Variants in ZBTB7C observed in about 807,000 individuals in gnomAD.
The protein encoded by ZBTB7C is zinc finger and BTB domain containing 7C.
In ZBTB7C, 8 loss-of-function variants were observed where a neutral mutation model predicts 25.7. The observed-to-expected ratio is 0.31, with a 90% confidence interval of 0.18 to 0.56. The LOEUF is 0.56. Among genes scored for constraint, ZBTB7C ranks in the 20% least tolerant of loss-of-function variants. The probability of loss-of-function intolerance (pLI) is 0.91; values close to 1 mark genes in which losing one functional copy is unlikely to be tolerated. For synonymous variants in ZBTB7C, 394 were observed against 369.0 expected, an observed-to-expected ratio of 1.07 and a Z score of -0.78; for missense variants, 824 against 855.2, an observed-to-expected ratio of 0.96 and a Z score of 0.46.
Position 48,323,910 on chromosome 18 carries a change from A to G in ZBTB7C, c.-79+14264T>C, listed in dbSNP as rs146099575. On this transcript the variant is annotated intron_variant, in intron 2 of 4. Transcript: ENST00000590800. ...CTCATATGCTGAAACCCTAATCGCA[A>G]TGGTGATGGGATTAGGGCCTTTGGG... 3.0e-3 allele frequency among the ~76,000 whole-genome samples: 459 copies of G among 152,248 alleles called. 10 individuals are homozygous for G. The East Asian group carries it at 0.052, about 17-fold the overall frequency.
chr18:48,311,957 T>G (rs2045830899), intron 2 of ZBTB7C, among the ~76,000 whole-genome samples: 1 of 152,196 alleles, frequency 6.6e-6, no homozygotes, highest in South Asian at 2.1e-4. Context: ...CCCACCTACT[T>G]AAGACATCTT....
intron 1 of ZBTB7C, among the ~76,000 whole-genome samples, chr18:48,356,849 G>A (rs1409303714): frequency 6.6e-6 from 1 of 152,212 alleles, no homozygotes; most frequent in Non-Finnish European, 1.5e-5. Context: ...AGGCCACAGA[G>A]CATTCTCTCC....
At chr18:48,389,235 T>TTGTGTGTG (rs2047833393) in intron 1 of ZBTB7C, among the ~76,000 whole-genome samples, 1 of 52,198 alleles carries the variant, frequency 1.9e-5, no homozygotes, top group African/African-American at 8.0e-5. Flanking sequence ...TCTCTCTCTC[T>TTGTGTGTG]CGTGTGTGTG....
chr18:48,113,476 T>G (rs570528003), intron 3 of ZBTB7C, among the ~76,000 whole-genome samples: 1 of 152,346 alleles, frequency 6.6e-6, no homozygotes, highest in South Asian at 2.1e-4. Context: ...TGGAACTTAC[T>G]CTATTAAAAG....
chr18:48,191,478 C>T (rs998363297), intron 2 of ZBTB7C, among the ~76,000 whole-genome samples: 5 of 152,250 alleles, frequency 3.3e-5, no homozygotes, highest in African/African-American at 9.6e-5. Flanking sequence ...ACACTTGGTG[C>T]AGGACCTCAG....
intron 3 of ZBTB7C, among the ~76,000 whole-genome samples, chr18:48,178,556 G>A (rs1316783870): frequency 1.3e-5 from 2 of 152,022 alleles, no homozygotes; most frequent in Non-Finnish European, 2.9e-5. Context: ...ATCTCTTTAG[G>A]AGCCTGATCC....
At chr18:48,083,376 C>CCCTCCACAGTATTCCTTCATCTCTCTTT (rs1224009981) in intron 3 of ZBTB7C, among the ~76,000 whole-genome samples, 1 of 152,146 alleles carries the variant, frequency 6.6e-6, no homozygotes, top group Admixed American at 6.5e-5. Context: ...CAGCTTTCTT[C>CCCTCCACAGTATTCCTTCATCTCTCTTT]CCTCCACAGT....
chr18:48,328,654 G>A (rs865875780), intron 2 of ZBTB7C, among the ~76,000 whole-genome samples: 1 of 152,116 alleles, frequency 6.6e-6, no homozygotes, highest in African/African-American at 2.4e-5. Context: ...AGCACACAGT[G>A]AGTTCATGGC....
intron 3 of ZBTB7C, among the ~76,000 whole-genome samples, chr18:48,143,229 TG>T (rs1442223969): frequency 6.6e-6 from 1 of 152,148 alleles, no homozygotes; most frequent in Non-Finnish European, 1.5e-5. Context: ...GAGGTCACAC[TG>T]GGAGCACAGG....
At chr18:48,165,445 G>C (rs2041211914) in intron 3 of ZBTB7C, 1 of 306,352 alleles carries the variant, frequency 3.3e-6, no homozygotes, top group Non-Finnish European at 6.4e-6. Context: ...CAGAGAGAGG[G>C]GACCTGGCCT....
intron 2 of ZBTB7C, among the ~76,000 whole-genome samples, chr18:48,271,630 T>C (rs1416914516): frequency 6.7e-6 from 1 of 150,210 alleles, no homozygotes. Context: ...ATTTATCAAC[T>C]ACAATTTTCC....
chr18:48,311,974 G>A (rs1360625261), intron 2 of ZBTB7C, among the ~76,000 whole-genome samples: 1 of 152,140 alleles, frequency 6.6e-6, no homozygotes, highest in Non-Finnish European at 1.5e-5. Flanking sequence ...TCTTTGACCT[G>A]CCACCTGCTT....
chr18:48,312,915 C>T (rs562458450), intron 2 of ZBTB7C, among the ~76,000 whole-genome samples: 1 of 152,206 alleles, frequency 6.6e-6, no homozygotes, highest in African/African-American at 2.4e-5. Flanking sequence ...GTCAATACAT[C>T]GTAACTGATT....
At chr18:48,234,986 T>C (rs1445403238) in intron 2 of ZBTB7C, among the ~76,000 whole-genome samples, 1 of 152,208 alleles carries the variant, frequency 6.6e-6, no homozygotes, top group African/African-American at 2.4e-5. Flanking sequence ...TTTTGTGATA[T>C]GAATATAACA....
At chr18:48,270,969 A>C (rs2044469820) in intron 2 of ZBTB7C, among the ~76,000 whole-genome samples, 1 of 152,172 alleles carries the variant, frequency 6.6e-6, no homozygotes, top group Non-Finnish European at 1.5e-5. Flanking sequence ...TCAAAAGAGA[A>C]ACTATGAACC....
At chr18:48,279,412 T>C (rs1193659526) in intron 2 of ZBTB7C, among the ~76,000 whole-genome samples, 1 of 152,200 alleles carries the variant, frequency 6.6e-6, no homozygotes, top group Non-Finnish European at 1.5e-5. Context: ...TTCAGGCAAG[T>C]CTGGCATCCC....
At chr18:48,176,441 T>C (rs565511780) in intron 3 of ZBTB7C, among the ~76,000 whole-genome samples, 4 of 152,324 alleles carry the variant, frequency 2.6e-5, no homozygotes, top group South Asian at 2.1e-4. Context: ...GAGAACATTA[T>C]GAAGTTAACT....
chr18:48,053,603 G>A (rs987840890), intron 3 of ZBTB7C, among the ~76,000 whole-genome samples: 2 of 152,080 alleles, frequency 1.3e-5, no homozygotes, highest in Non-Finnish European at 2.9e-5. Context: ...TTTTCAAGTA[G>A]GGAAACTGAG....
intron 3 of ZBTB7C, among the ~76,000 whole-genome samples, chr18:48,115,516 G>A (rs1484284409): frequency 6.6e-6 from 1 of 152,154 alleles, no homozygotes; most frequent in Non-Finnish European, 1.5e-5. Flanking sequence ...GGGATTACAG[G>A]CGTGAGCCAC....
Sources: allele counts gnomAD v4.1 joint callset (sites outside exome capture counted in the v4.1 genomes callset), GRCh38; gene constraint gnomAD v4.1.1; transcripts MANE v1.5; gene names NCBI Gene and HGNC (gene_info 2026-07-23, HGNC 2026-07-21).